The following HPSE2 variants were observed in gnomAD, a reference collection of about 807,000 sequenced individuals.
HPSE2 encodes inactive heparanase-2.
HPSE2 carries 38 observed loss-of-function variants against 60.5 expected under a neutral mutation model. The observed-to-expected ratio is 0.63, with a 90% confidence interval of 0.48 to 0.82. The LOEUF (loss-of-function observed/expected upper bound fraction) is 0.82. Among genes scored for constraint, HPSE2 ranks in the 40% least tolerant of loss-of-function variants. The probability of loss-of-function intolerance (pLI) is 0.00; values close to 1 mark genes in which losing one functional copy is unlikely to be tolerated. For missense variants in HPSE2, 713 were observed against 740.4 expected, an observed-to-expected ratio of 0.96 and a Z score of 0.43; for synonymous variants, 295 against 293.2, an observed-to-expected ratio of 1.01 and a Z score of -0.06.
chr10:98,734,735 C>G (rs1334497617), intron 4 of HPSE2, among the ~76,000 whole-genome samples: 3 of 152,038 alleles, frequency 2.0e-5, no homozygotes, highest in African/African-American at 7.2e-5. Context: ...TGAAACAAGA[C>G]AGCAAATGAT....
At chr10:98,951,896 T>C (rs949331910) in intron 3 of HPSE2, among the ~76,000 whole-genome samples, 2 of 152,176 alleles carry the variant, frequency 1.3e-5, no homozygotes, top group African/African-American at 2.4e-5. Context: ...GCCCTTTGAA[T>C]AGGTATTACC....
At chr10:98,973,581 A>G (rs773195119) in intron 3 of HPSE2, among the ~76,000 whole-genome samples, 1 of 152,222 alleles carries the variant, frequency 6.6e-6, no homozygotes, top group Non-Finnish European at 1.5e-5. Flanking sequence ...CAGGCCTACA[A>G]AACTTTAAAA....
chr10:98,936,543 C>T (rs1954796224), intron 3 of HPSE2, among the ~76,000 whole-genome samples: 1 of 143,180 alleles, frequency 7.0e-6, no homozygotes, highest in African/African-American at 2.9e-5. Flanking sequence ...AGGGAGGTGC[C>T]CCCAACTCCG....
At chr10:99,118,390 G>A (rs954968204) in intron 3 of HPSE2, among the ~76,000 whole-genome samples, 1 of 151,820 alleles carries the variant, frequency 6.6e-6, no homozygotes, top group Non-Finnish European at 1.5e-5. Context: ...AGGTGTGTTG[G>A]CAGGCGCCTG....
chr10:98,664,267 G>A (rs902569211), intron 6 of HPSE2, among the ~76,000 whole-genome samples: 7 of 152,196 alleles, frequency 4.6e-5, no homozygotes, highest in Admixed American at 1.3e-4. Flanking sequence ...ATGGTGGACC[G>A]GGTGATTCCA....
intron 6 of HPSE2, among the ~76,000 whole-genome samples, chr10:98,674,691 G>C (rs1377557384): frequency 6.6e-6 from 1 of 152,184 alleles, no homozygotes; most frequent in Non-Finnish European, 1.5e-5. Flanking sequence ...GAGGTGGGCA[G>C]ATCACCTGAG....
intron 2 of HPSE2, among the ~76,000 whole-genome samples, chr10:99,148,093 A>C (rs1468701484): frequency 6.6e-6 from 1 of 152,240 alleles, no homozygotes; most frequent in African/African-American, 2.4e-5. Flanking sequence ...GATTAATGCA[A>C]TCTTAGTCTA....
chr10:99,153,323 C>T (rs1846366533), intron 2 of HPSE2, among the ~76,000 whole-genome samples: 1 of 152,190 alleles, frequency 6.6e-6, no homozygotes, highest in African/African-American at 2.4e-5. Context: ...AAAAAGACAG[C>T]AGTAAACTCT....
intron 9 of HPSE2, among the ~76,000 whole-genome samples, chr10:98,563,719 T>G (rs990951408): frequency 1.3e-5 from 2 of 152,224 alleles, no homozygotes; most frequent in African/African-American, 4.8e-5. Context: ...CTTCTTATTT[T>G]TTTTTCTGTA....
rs947674465 is a variant in HPSE2, at chr10:99,163,872, T to C, written c.449-19473A>G. ...GAAGTTTCTTTATAATTGAAATAAGTTACAGATTTTGTGGAACGATACCAC... is the reference window on the plus strand; with the variant it reads ...GAAGTTTCTTTATAATTGAAATAAGCTACAGATTTTGTGGAACGATACCAC... On this transcript the variant is annotated intron_variant, in intron 2 of 11. Transcript: ENST00000370552. Among the ~76,000 whole-genome samples the C allele has an allele frequency of 3.9e-5, 6 of 152,116 alleles. No individual in the cohort carries two copies. In the South Asian group the frequency reaches 1.2e-3, roughly 32 times the overall value.
At chr10:99,246,135 T>C in the HPSE2 span, among the ~76,000 whole-genome samples, 9 of 152,276 alleles carry the variant, frequency 5.9e-5, no homozygotes, top group African/African-American at 1.9e-4. Context: ...GCCTATAAGA[T>C]AGTTGTTGAA....
intron 4 of HPSE2, among the ~76,000 whole-genome samples, chr10:98,729,975 C>T (rs1236663895): frequency 6.6e-6 from 1 of 152,172 alleles, no homozygotes; most frequent in Non-Finnish European, 1.5e-5. Flanking sequence ...GAAGACTTGA[C>T]TGGCACTATC....
chr10:98,618,005 C>T (rs1945964650), intron 8 of HPSE2, among the ~76,000 whole-genome samples: 1 of 152,208 alleles, frequency 6.6e-6, no homozygotes, highest in East Asian at 1.9e-4. Flanking sequence ...TTCTTAATAG[C>T]CTCCTACAGC....
At chr10:98,660,788 G>A (rs1195176895) in intron 6 of HPSE2, among the ~76,000 whole-genome samples, 1 of 152,096 alleles carries the variant, frequency 6.6e-6, no homozygotes, top group African/African-American at 2.4e-5. Context: ...CATGGCATTT[G>A]GTGTCCCTTG....
chr10:98,705,357 A>T (rs1204360315), intron 5 of HPSE2, among the ~76,000 whole-genome samples: 2 of 152,226 alleles, frequency 1.3e-5, no homozygotes, highest in Non-Finnish European at 2.9e-5. Flanking sequence ...GCAATTCCTC[A>T]AGGATCTAGA....
chr10:98,671,496 A>G (rs547582649), intron 6 of HPSE2, among the ~76,000 whole-genome samples: 3 of 145,588 alleles, frequency 2.1e-5, no homozygotes, highest in African/African-American at 7.6e-5. Context: ...CTTGTCTAAT[A>G]CTTCTCTATG....
intron 3 of HPSE2, among the ~76,000 whole-genome samples, chr10:98,911,349 T>G (rs1490590767): frequency 6.6e-6 from 1 of 152,140 alleles, no homozygotes; most frequent in Non-Finnish European, 1.5e-5. Context: ...CATAAATGAT[T>G]AAGGCTCCTT....
At position 98,937,436 on chromosome 10, in the gene HPSE2, C is replaced by G. The variant is rs1954836831; in HGVS notation, c.611-193380G>C. On this transcript the variant is annotated intron_variant, in intron 3 of 11. Transcript: ENST00000370552. ...AAAACGGCGCACCAGGAGATTATAT[C>G]CCGCACATGGCTTGGAGGGTCCTAC... 2.1e-5 allele frequency among the ~76,000 whole-genome samples: 3 copies of G among 144,424 alleles called. 1 individual carries two copies. Among genetic ancestry groups the G allele is most frequent in the Non-Finnish European group, 4.5e-5 (3 of 67,170 alleles). 94.7% of individuals were successfully genotyped at this position (144,424 alleles called of 152,430 possible).
At chr10:98,610,480 G>A (rs888052250) in intron 9 of HPSE2, among the ~76,000 whole-genome samples, 6 of 152,168 alleles carry the variant, frequency 3.9e-5, no homozygotes, top group African/African-American at 1.4e-4. Flanking sequence ...ATAGACTAGT[G>A]AATTGTACTC....
Sources: gnomAD v4.1 joint callset for allele counts (sites outside exome capture counted in the v4.1 genomes callset) on GRCh38, gnomAD v4.1.1 for gene constraint, MANE v1.5 for transcripts, NCBI Gene and HGNC (gene_info 2026-07-23, HGNC 2026-07-21) for gene names.